The following TANGO6 variants were observed in gnomAD, a reference collection of about 807,000 sequenced individuals.
TANGO6 encodes the protein transport and golgi organization 6 homolog.
TANGO6 carries 90 observed loss-of-function variants against 114.2 expected under a neutral mutation model. That is an observed-to-expected ratio of 0.79 (90% CI 0.66 to 0.94). The LOEUF (loss-of-function observed/expected upper bound fraction) is 0.94, where lower values mean the gene tolerates loss of function less well. Among genes scored for constraint, TANGO6 ranks in the 40% least tolerant of loss-of-function variants. The probability of loss-of-function intolerance (pLI) is 0.00; values close to 1 mark genes in which losing one functional copy is unlikely to be tolerated. For synonymous variants in TANGO6, 477 were observed against 509.8 expected, an observed-to-expected ratio of 0.94 and a Z score of 0.87; for missense variants, 1,274 against 1,315.3, an observed-to-expected ratio of 0.97 and a Z score of 0.49.
chr16:68,987,158 A>AT (rs200318422), intron 15 of TANGO6, among the ~76,000 whole-genome samples: 2 of 72,612 alleles, frequency 2.8e-5, no homozygotes, highest in African/African-American at 1.0e-4. Flanking sequence ...ATTTTTTTCT[A>AT]TTTTTTTTCT....
rs62055792 is a variant in TANGO6 at position 68,847,352 on chromosome 16, G to A, written c.94+3641G>A. On this transcript the variant is annotated intron_variant, in intron 1 of 17. Transcript: ENST00000261778. The stretch of plus-strand genomic sequence containing the variant: ...CCCTGAGAGGGTCTTGGGAACCCCC[G>A]GCAAGCCAGGTCCCCATAGCATACT... Among the ~76,000 whole-genome samples, 1,029 of 152,086 alleles carry A rather than the reference G, an allele frequency of 6.8e-3. 6 individuals carry two copies. Among genetic ancestry groups the A allele is most frequent in the Middle Eastern group, 0.014 (4 of 294 alleles).
At chr16:68,923,599 A>G (rs1963126349) in intron 12 of TANGO6, among the ~76,000 whole-genome samples, 1 of 152,196 alleles carries the variant, frequency 6.6e-6, no homozygotes, top group Non-Finnish European at 1.5e-5. Context: ...AAGCTGTTAT[A>G]TAGAACTCCA....
chr16:69,032,544 A>C (rs1959612881), intron 16 of TANGO6, among the ~76,000 whole-genome samples: 1 of 151,970 alleles, frequency 6.6e-6, no homozygotes, highest in Non-Finnish European at 1.5e-5. Context: ...CTAGGATTAC[A>C]GGTATGAGCC....
intron 1 of TANGO6, chr16:68,846,973 C>G (rs1476868401): frequency 6.6e-6 from 1 of 151,676 alleles, no homozygotes; most frequent in South Asian, 2.1e-4. Flanking sequence ...TCATTGCCAC[C>G]TCCGCCTCCC....
At chr16:69,013,746 TC>T (rs1959234833) in intron 15 of TANGO6, among the ~76,000 whole-genome samples, 1 of 143,124 alleles carries the variant, frequency 7.0e-6, no homozygotes, top group Non-Finnish European at 1.5e-5. Context: ...AACCTCCACC[TC>T]CTGGGCTCAA....
At chr16:69,024,960 A>G (rs1449199108) in intron 16 of TANGO6, among the ~76,000 whole-genome samples, 1 of 152,140 alleles carries the variant, frequency 6.6e-6, no homozygotes, top group Non-Finnish European at 1.5e-5. Context: ...GGCGTGTGCC[A>G]CCACGCCTGG....
At chr16:69,007,547 G>T (rs1964104178) in intron 15 of TANGO6, among the ~76,000 whole-genome samples, 1 of 152,090 alleles carries the variant, frequency 6.6e-6, no homozygotes, top group South Asian at 2.1e-4. Context: ...TTACAGGAGT[G>T]AGCCACTGTG....
chr16:69,066,562 G>T (rs1183177816), intron 17 of TANGO6, among the ~76,000 whole-genome samples: 1 of 152,170 alleles, frequency 6.6e-6, no homozygotes, highest in Non-Finnish European at 1.5e-5. Context: ...CTCCCAAAGT[G>T]CTGGGATTAC....
At chr16:69,039,109 CG>C (rs1180770494) in intron 16 of TANGO6, among the ~76,000 whole-genome samples, 1 of 151,988 alleles carries the variant, frequency 6.6e-6, no homozygotes, top group African/African-American at 2.4e-5. Flanking sequence ...GGCGTGAACC[CG>C]GGAAGCGGAG....
chr16:68,987,589 G>A (rs890233582), intron 15 of TANGO6, among the ~76,000 whole-genome samples: 2 of 152,118 alleles, frequency 1.3e-5, no homozygotes, highest in Admixed American at 6.6e-5. Context: ...GGCTGGTCTC[G>A]AACTCCTGGG....
At chr16:68,893,786 A>C (rs765294762) in intron 7 of TANGO6, among the ~76,000 whole-genome samples, 75 of 151,784 alleles carry the variant, frequency 4.9e-4, no homozygotes, top group Non-Finnish European at 1.0e-3. Flanking sequence ...GAAAAGAAAA[A>C]TAACACGTGA....
In TANGO6 at chr16:68,992,644, A is replaced by G. The variant is rs1046005573; in HGVS notation, c.2842+18476A>G. Among the ~76,000 whole-genome samples, 3 of 152,206 alleles carry G rather than the reference A, an allele frequency of 2.0e-5. No homozygotes were observed. The South Asian group carries it at 6.2e-4, about 31-fold the overall frequency. On this transcript the variant is annotated intron_variant, in intron 15 of 17. Coordinates refer to ENST00000261778, the MANE Select transcript of TANGO6 (RefSeq NM_024562.2). ...CTACTCCAGAGAAAAATCCAAGTAC[A>G]TGTATTTGTTTCTGTGACAGCCGTT... is the stretch of plus-strand genomic sequence containing the variant.
chr16:68,925,620 G>A (rs1028471111), intron 12 of TANGO6, among the ~76,000 whole-genome samples: 3 of 152,036 alleles, frequency 2.0e-5, no homozygotes, highest in African/African-American at 7.2e-5. Flanking sequence ...TTTTAATAAG[G>A]TCCAGGTTTT....
chr16:69,051,730 C>T (rs1050838295), intron 17 of TANGO6, among the ~76,000 whole-genome samples: 1 of 152,052 alleles, frequency 6.6e-6, no homozygotes, highest in Non-Finnish European at 1.5e-5. Context: ...CCTGTAATCC[C>T]AGCTACTCAG....
chr16:68,845,937 C>T (rs932506030), intron 1 of TANGO6, among the ~76,000 whole-genome samples: 1 of 152,088 alleles, frequency 6.6e-6, no homozygotes, highest in Non-Finnish European at 1.5e-5. Flanking sequence ...ACCGGAACCC[C>T]CACCTCCCGG....
At chr16:68,912,029 T>C (rs1247464512) in intron 11 of TANGO6, among the ~76,000 whole-genome samples, 2 of 152,216 alleles carry the variant, frequency 1.3e-5, no homozygotes, top group African/African-American at 4.8e-5. Context: ...AGGACATCTT[T>C]GGGATTGCCA....
chr16:68,847,373 A>G (rs112096746), intron 1 of TANGO6, among the ~76,000 whole-genome samples: 68 of 152,232 alleles, frequency 4.5e-4, no homozygotes, highest in Middle Eastern at 6.8e-3. Flanking sequence ...TCCCCATAGC[A>G]TACTAGGAAC....
At chr16:68,974,246 G>A (rs1963739159) in intron 15 of TANGO6, 78 bp downstream of exon 15, 4 of 1,564,694 alleles carry the variant, frequency 2.6e-6, no homozygotes, top group African/African-American at 1.4e-5. Context: ...GTGTACCTGG[G>A]GGCTTGTTAC....
At chr16:69,069,021 T>G (rs2152242477) in intron 17 of TANGO6, among the ~76,000 whole-genome samples, 1 of 152,258 alleles carries the variant, frequency 6.6e-6, no homozygotes, top group East Asian at 1.9e-4. Context: ...CCAGCCATGT[T>G]TTTGGATCTT....
Sources: gnomAD v4.1 joint callset for allele counts (sites outside exome capture counted in the v4.1 genomes callset) on GRCh38, gnomAD v4.1.1 for gene constraint, MANE v1.5 for transcripts, NCBI Gene and HGNC (gene_info 2026-07-23, HGNC 2026-07-21) for gene names.